Variants in ATG14 observed in about 807,000 individuals in gnomAD.
The protein encoded by ATG14 is beclin 1-associated autophagy-related key regulator.
A neutral mutation model predicts 60.4 loss-of-function variants in ATG14; 35 were observed. The observed-to-expected ratio is 0.58, with a 90% CI of 0.44 to 0.77. The LOEUF is 0.77. ATG14 is among the 30% of genes least tolerant of loss of function. The pLI, the probability that ATG14 is intolerant of heterozygous loss-of-function variation, is 0.00. For synonymous variants in ATG14, 234 were observed against 228.8 expected, an observed-to-expected ratio of 1.02 and a Z score of -0.21; for missense variants, 647 against 626.3, an observed-to-expected ratio of 1.03 and a Z score of -0.35.
chr14:55,374,378 A>G (rs1281010758), intron 9 of ATG14, among the ~76,000 whole-genome samples: 3 of 151,960 alleles, frequency 2.0e-5, no homozygotes, highest in Non-Finnish European at 2.9e-5. Flanking sequence ...TCTTTTGTCT[A>G]TTTTTCTAAT....
chr14:55,366,867 A>C lies in ATG14; in HGVS notation c.*2752T>G, dbSNP rs1474843801. ...ACATGAAAGATTTTAATGAGCAGCA[A>C]AAAGAGTAGAAAAAACAGTGGTTGA... On this transcript the variant is annotated 3_prime_UTR_variant, in exon 10 of 10. Transcript: ENST00000247178. 6.6e-6 allele frequency: 1 copy of C among 152,644 alleles called. No individual in the cohort carries two copies. The highest frequency in any genetic ancestry group is 1.5e-5 in the Non-Finnish European group (1 of 68,048). 9.5% of individuals were successfully genotyped at this position (152,644 alleles called of 1,614,324 possible).
intron 3 of ATG14, among the ~76,000 whole-genome samples, chr14:55,392,172 C>T (rs1323884930): frequency 2.0e-5 from 3 of 152,240 alleles, no homozygotes; most frequent in Non-Finnish European, 2.9e-5. Flanking sequence ...TAATAGAGTT[C>T]GCACTCCTAT....
rs116395301 is a variant in ATG14 at position 55,378,190 on chromosome 14, G to A, written c.996-116C>T. 2.3e-3 allele frequency: 1,827 copies of A among 778,646 alleles called. 29 individuals are homozygous for A. The African/African-American group carries it at 0.029, about 12-fold the overall frequency. 48.2% of individuals were successfully genotyped at this position (778,646 alleles called of 1,614,324 possible). The stretch of plus-strand genomic sequence containing the variant: ...ATACTCTGTGCCCTTTTACTCCTTA[G>A]TAAATTGCACTTAAAGACTTTCTAA... On this transcript the variant is annotated intron_variant, in intron 7 of 9. Transcript: ENST00000247178.
chr14:55,395,811 G>A (rs574919461), intron 3 of ATG14, 129 bp downstream of exon 3: 4 of 522,302 alleles, frequency 7.7e-6, no homozygotes, highest in South Asian at 8.9e-5. Context: ...AGAAAGCCAC[G>A]CTACAAGTGG....
intron 3 of ATG14, chr14:55,395,066 T>C: frequency 2.0e-6 from 1 of 501,936 alleles, no homozygotes; most frequent in Admixed American, 2.1e-5. Context: ...TTTGCTCCCC[T>C]TTTCCCTTTT....
chr14:55,386,033 T>C lies in ATG14; in HGVS notation c.473A>G (p.His158Arg). The change falls in exon 5 of 10, where the codon CAC becomes CGC. Residue 158 changes from histidine (H) to arginine (R), a missense_variant. By Grantham distance (29) the His-to-Arg change is conservative. Coordinates refer to ENST00000247178, the MANE Select transcript of ATG14 (RefSeq NM_014924.5). ...NQKLYSRAQR[H>R]QEKKEKIQRH... ...CTGAATCTTCTCCTTTTTCTCTTGG[T>C]GCCGTTGTGCTCGACTGTAAAGCTT... The C allele has an allele frequency of 1.9e-6, 3 of 1,614,196 alleles. No homozygotes were observed. Among genetic ancestry groups the C allele is most frequent in the Non-Finnish European group, 2.5e-6 (3 of 1,180,032 alleles).
Position 55,385,989 on chromosome 14 carries a change from C to T in ATG14, c.517G>A (p.Gly173Ser). 4 of 1,614,118 alleles carry T rather than the reference C, an allele frequency of 2.5e-6. No individual in the cohort carries two copies. Among genetic ancestry groups the T allele is most frequent in the Non-Finnish European group, 3.4e-6 (4 of 1,180,020 alleles). Residue 173 changes from glycine to serine, a missense_variant, in exon 5 of 10, where the codon GGT becomes AGT. Gly to Ser is a moderately conservative substitution (Grantham distance 56). Transcript: ENST00000247178. ...EKIQRHNRKL[G>S]DLVEKKTIDL... ...ATGGTCTTTTTTTCTACCAGGTCAC[C>T]AAGTTTGCGATTATGCCTCTGAATC...
At chr14:55,406,220 A>G (rs924396374) in intron 1 of ATG14, among the ~76,000 whole-genome samples, 4 of 152,130 alleles carry the variant, frequency 2.6e-5, no homozygotes, top group African/African-American at 9.6e-5. Flanking sequence ...TAGTCTGTTA[A>G]TGAAACCTGA....
chr14:55,409,504 A>C (rs61106193), intron 1 of ATG14, among the ~76,000 whole-genome samples: 1 of 152,132 alleles, frequency 6.6e-6, no homozygotes, highest in Admixed American at 6.5e-5. Context: ...TTAAATACGC[A>C]TGAGGTTAGC....
At chr14:55,398,383 T>C (rs926827667) in intron 1 of ATG14, among the ~76,000 whole-genome samples, 2 of 152,244 alleles carry the variant, frequency 1.3e-5, no homozygotes, top group African/African-American at 4.8e-5. Context: ...AAACTTCTAT[T>C]CCTTTTAAAT....
rs1052589633 is a variant in ATG14 at position 55,385,363 on chromosome 14, G to A, written c.647+496C>T. ...GCTGGAGTGCAGTGACACAATCTTG[G>A]CTCACTGCGACCTCGGCCTCCTGGG... is the stretch of plus-strand genomic sequence containing the variant. On this transcript the variant is annotated intron_variant, in intron 5 of 9. Transcript: ENST00000247178. Among the ~76,000 whole-genome samples, 5 of 152,224 alleles carry A rather than the reference G, an allele frequency of 3.3e-5. No individual in the cohort carries two copies. The East Asian group carries it at 7.7e-4, about 24-fold the overall frequency.
At chr14:55,396,264 C>A (rs1235533908) in intron 2 of ATG14, among the ~76,000 whole-genome samples, 2 of 152,190 alleles carry the variant, frequency 1.3e-5, no homozygotes, top group East Asian at 3.8e-4. Context: ...TCAGTAACTG[C>A]CATCCGTCAT....
In ATG14 at chr14:55,382,149, G is replaced by T; in HGVS notation, c.690C>A (p.Thr230=). The change falls in exon 6 of 10, where the codon ACC becomes ACA. Residue 230 remains threonine, a synonymous_variant. Transcript: ENST00000247178. ...DVSSESDSAM[T]SSTVSKLAEA... ...CAGCAAGCTTGCTCACAGTGCTGGAGGTCATGGCACTGTCACTCTCTGAAG... is the reference window on the plus strand; with the variant it reads ...CAGCAAGCTTGCTCACAGTGCTGGATGTCATGGCACTGTCACTCTCTGAAG... 1 of 1,614,134 alleles carries T rather than the reference G, an allele frequency of 6.2e-7. No homozygotes were observed. The highest frequency in any genetic ancestry group is 1.1e-5 in the South Asian group (1 of 91,074).
At chr14:55,381,902 T>G (rs1885039597) in intron 6 of ATG14, 60 bp downstream of exon 6, 2 of 1,442,424 alleles carry the variant, frequency 1.4e-6, no homozygotes, top group Non-Finnish European at 1.9e-6. Flanking sequence ...CATTTTGTTA[T>G]GTCAATTTTA....
rs199596610 is a variant in ATG14 at position 55,411,798 on chromosome 14, C to T, written c.25G>A (p.Ala9Thr). 15 of 1,598,710 alleles carry T rather than the reference C, an allele frequency of 9.4e-6. No homozygotes were observed. The highest frequency in any genetic ancestry group is 4.5e-5 in the South Asian group (4 of 89,106). Reference protein sequence around the residue: MASPSGKGARALEAPGCGP... With the variant: MASPSGKGTRALEAPGCGP... ...CAGCCAGGAGCCTCCAGCGCCCGGG[C>T]TCCCTTCCCACTGGGAGACGCCATG... is the stretch of plus-strand genomic sequence containing the variant. The change falls in exon 1 of 10, where the codon GCC (alanine) becomes ACC (threonine). Residue 9 changes from alanine (A) to threonine (T), a missense_variant. Transcript: ENST00000247178.
chr14:55,391,071 A>C, intron 3 of ATG14, 79 bp from the exon 4 acceptor site: 1 of 890,056 alleles, frequency 1.1e-6, no homozygotes, highest in Non-Finnish European at 1.7e-6. Context: ...ATCACTGCTT[A>C]TTTTCAGATA....
chr14:55,408,039 C>A (rs1462572216), intron 1 of ATG14, among the ~76,000 whole-genome samples: 2 of 152,098 alleles, frequency 1.3e-5, no homozygotes, highest in African/African-American at 2.4e-5. Flanking sequence ...TATTTGAGTG[C>A]GTAATACATT....
chr14:55,411,543 G>T, intron 1 of ATG14, 59 bp downstream of exon 1: 1 of 1,509,028 alleles, frequency 6.6e-7, no homozygotes, highest in Non-Finnish European at 8.9e-7. Context: ...CCAGCCTTCG[G>T]CTGCCTGGCT....
intron 7 of ATG14, among the ~76,000 whole-genome samples, chr14:55,379,132 T>C (rs573195612): frequency 1.3e-5 from 2 of 152,226 alleles, no homozygotes; most frequent in Non-Finnish European, 2.9e-5. Flanking sequence ...AAGGATTATT[T>C]TTTTGTCACC....
Sources: gnomAD v4.1 joint callset for allele counts (sites outside exome capture counted in the v4.1 genomes callset) on GRCh38, gnomAD v4.1.1 for gene constraint, MANE v1.5 for transcripts, NCBI Gene and HGNC (gene_info 2026-07-23, HGNC 2026-07-21) for gene names.